The following TTLL5 variants were observed in gnomAD, a reference collection of about 807,000 sequenced individuals.
TTLL5 encodes tubulin tyrosine ligase like 5, also known as tubulin polyglutamylase TTLL5.
Under a neutral mutation model 168.4 loss-of-function variants are expected in TTLL5, and 132 were observed. That is an observed-to-expected ratio of 0.78 (90% confidence interval 0.68 to 0.91). The LOEUF is 0.91. Among genes scored for constraint, TTLL5 ranks in the 40% least tolerant of loss-of-function variants. The pLI, the probability that TTLL5 is intolerant of heterozygous loss-of-function variation, is 0.00. For synonymous variants in TTLL5, 546 were observed against 558.6 expected (o/e 0.98, Z 0.32); for missense variants, 1,545 against 1,581.5 (o/e 0.98, Z 0.39).
Position 75,752,697 on chromosome 14 carries a change from A to G in TTLL5, c.1488-196A>G, listed in dbSNP as rs528894945. Among the ~76,000 whole-genome samples, 12 of 151,522 alleles carry G rather than the reference A, an allele frequency of 7.9e-5. No homozygotes were observed. In the South Asian group the frequency reaches 2.3e-3, roughly 29 times the overall value. ...TCTTTTTCCATATTCTTTTTATTCTATTTGTTTCTATTCTAGTATCTTACG... is the reference window on the plus strand; with the variant it reads ...TCTTTTTCCATATTCTTTTTATTCTGTTTGTTTCTATTCTAGTATCTTACG... On this transcript the variant is annotated intron_variant, in intron 17 of 31. Transcript: ENST00000298832.
At chr14:75,933,767 TTAAA>T (rs2034349597) in intron 31 of TTLL5, among the ~76,000 whole-genome samples, 1 of 152,212 alleles carries the variant, frequency 6.6e-6, no homozygotes, top group Admixed American at 6.5e-5. Flanking sequence ...GATAGCTCTT[TTAAA>T]GAGGTGATAA....
chr14:75,843,080 C>A (rs1045528826), intron 28 of TTLL5, among the ~76,000 whole-genome samples: 1 of 152,180 alleles, frequency 6.6e-6, no homozygotes, highest in Admixed American at 6.5e-5. Flanking sequence ...CCTGACCAGT[C>A]CAGGATATTT....
At chr14:75,707,839 A>G (rs1372402413) in intron 9 of TTLL5, 132 bp downstream of exon 9, 2 of 755,358 alleles carry the variant, frequency 2.6e-6, no homozygotes, top group Non-Finnish European at 4.4e-6. Flanking sequence ...TACAGATGCA[A>G]TCCACCTCCT....
intron 17 of TTLL5, among the ~76,000 whole-genome samples, chr14:75,750,594 G>A (rs958626799): frequency 6.6e-6 from 1 of 151,964 alleles, no homozygotes; most frequent in African/African-American, 2.4e-5. Context: ...CACTTTTTGT[G>A]TTATTGATAA....
chr14:75,913,348 T>C (rs1324147231), intron 31 of TTLL5, among the ~76,000 whole-genome samples: 1 of 152,168 alleles, frequency 6.6e-6, no homozygotes, highest in Non-Finnish European at 1.5e-5. Flanking sequence ...CTACCCTATG[T>C]TAATCTGATT....
At chr14:75,684,462 T>G (rs370328035) in intron 5 of TTLL5, 3 of 152,320 alleles carry the variant, frequency 2.0e-5, no homozygotes, top group African/African-American at 7.2e-5. Flanking sequence ...TTCTTTGTTT[T>G]TAAAATAATT....
chr14:75,842,250 GC>G (rs1395623832), intron 28 of TTLL5, among the ~76,000 whole-genome samples: 7 of 152,148 alleles, frequency 4.6e-5, no homozygotes, highest in African/African-American at 1.7e-4. Context: ...CCACACCCTT[GC>G]CAGCATTACA....
intron 31 of TTLL5, among the ~76,000 whole-genome samples, chr14:75,944,487 C>A (rs2034707956): frequency 1.3e-5 from 2 of 152,148 alleles, no homozygotes; most frequent in Non-Finnish European, 2.9e-5. Flanking sequence ...TAGCAACAGG[C>A]CAAAACCCAC....
chr14:75,896,714 A>G (rs2032677764), intron 30 of TTLL5, among the ~76,000 whole-genome samples: 1 of 152,222 alleles, frequency 6.6e-6, no homozygotes, highest in African/African-American at 2.4e-5. Context: ...AAGAAAGCAT[A>G]TCGCTTTCAG....
chr14:75,829,454 A>G (rs556811854), intron 28 of TTLL5, among the ~76,000 whole-genome samples: 1 of 152,326 alleles, frequency 6.6e-6, no homozygotes, highest in Non-Finnish European at 1.5e-5. Flanking sequence ...TGAGAAAATC[A>G]TAAGGAAGAG....
chr14:75,777,597 A>AT (rs1238031432), intron 23 of TTLL5, among the ~76,000 whole-genome samples: 2 of 152,108 alleles, frequency 1.3e-5, no homozygotes, highest in African/African-American at 2.4e-5. Context: ...ACACTGGAGG[A>AT]TTTTTTTCTA....
At position 75,782,577 on chromosome 14, in the gene TTLL5, A is replaced by G; in HGVS notation, c.2602+4A>G. 1 of 1,612,536 alleles carries G rather than the reference A, an allele frequency of 6.2e-7. No homozygotes were observed. The highest frequency in any genetic ancestry group is 8.5e-7 in the Non-Finnish European group (1 of 1,179,152). On this transcript the variant is annotated splice_donor_region_variant and intron_variant, in intron 25 of 31. Coordinates refer to ENST00000298832, the MANE Select transcript of TTLL5 (RefSeq NM_015072.5). ...ATTCATTCTGATAAATTATCTCGTGAGTGATTTCAAACCTACCTAGATTTG... is the reference window on the plus strand; with the variant it reads ...ATTCATTCTGATAAATTATCTCGTGGGTGATTTCAAACCTACCTAGATTTG...
chr14:75,886,758 T>G, intron 30 of TTLL5: 1 of 1,597,516 alleles, frequency 6.3e-7, no homozygotes, highest in African/African-American at 1.3e-5. Flanking sequence ...AGCAGTCAGC[T>G]GAACTGAGGA....
intron 31 of TTLL5, among the ~76,000 whole-genome samples, chr14:75,929,483 G>C (rs996565110): frequency 1.8e-5 from 2 of 113,478 alleles, no homozygotes; most frequent in South Asian, 5.4e-4. Context: ...ATGGAGTCTC[G>C]CTCTGTCGCC....
intron 18 of TTLL5, among the ~76,000 whole-genome samples, chr14:75,753,705 C>T (rs377286968): frequency 2.0e-5 from 3 of 152,128 alleles, no homozygotes; most frequent in Non-Finnish European, 2.9e-5. Context: ...GTGGTAATTA[C>T]GATTGATTAA....
At position 75,851,929 on chromosome 14, in the gene TTLL5, A is replaced by G. The variant is rs147320698; in HGVS notation, c.3327-11738A>G. Among the ~76,000 whole-genome samples, 5 of 152,352 alleles carry G rather than the reference A, an allele frequency of 3.3e-5. No individual in the cohort carries two copies. In the East Asian group the frequency reaches 9.6e-4, roughly 29 times the overall value. On this transcript the variant is annotated intron_variant, in intron 28 of 31. Transcript: ENST00000298832. Reference sequence around the variant, plus strand: ...CCCCGTGCCCCGAAAGCTTGGGTTCACTTTCCATGGGAAGAATGTTAATAA... The same window carrying G: ...CCCCGTGCCCCGAAAGCTTGGGTTCGCTTTCCATGGGAAGAATGTTAATAA...
At chr14:75,954,319 C>A in intron 31 of TTLL5, 105 bp from the exon 32 acceptor site, 1 of 1,154,304 alleles carries the variant, frequency 8.7e-7, no homozygotes, top group Non-Finnish European at 1.3e-6. Flanking sequence ...TGGGCCACCA[C>A]TTCTTTATTC....
chr14:75,922,915 T>C (rs1400202598), intron 31 of TTLL5, among the ~76,000 whole-genome samples: 1 of 152,200 alleles, frequency 6.6e-6, no homozygotes, highest in Non-Finnish European at 1.5e-5. Context: ...GAGCCTGTTA[T>C]TGGTCTATTC....
At chr14:75,832,596 G>A (rs939075636) in intron 28 of TTLL5, among the ~76,000 whole-genome samples, 61 of 152,158 alleles carry the variant, frequency 4.0e-4, no homozygotes, top group African/African-American at 1.4e-3. Context: ...ATGGGAATTC[G>A]ATGAGATCCC....
Sources: gnomAD v4.1 joint callset for allele counts (sites outside exome capture counted in the v4.1 genomes callset) on GRCh38, gnomAD v4.1.1 for gene constraint, MANE v1.5 for transcripts, NCBI Gene and HGNC (gene_info 2026-07-23, HGNC 2026-07-21) for gene names.